WWOX: variants seen among roughly 807,000 people sequenced by gnomAD.
WWOX encodes WW domain-containing oxidoreductase.
WWOX carries 69 observed loss-of-function variants against 46.2 expected under a neutral mutation model. The ratio of observed to expected loss-of-function variants is 1.49; its 90% CI spans 1.23 to 1.82. WWOX has a LOEUF of 1.82. Among genes scored for constraint, WWOX ranks in the 40% most tolerant of loss-of-function variants. The pLI is 0.00. For missense variants in WWOX, 919 were observed against 542.6 expected (o/e 1.69, Z -6.89); for synonymous variants, 359 against 202.6 (o/e 1.77, Z -6.56).
chr16:79,146,732 A>T (rs1050481954), intron 8 of WWOX, among the ~76,000 whole-genome samples: 1 of 152,152 alleles, frequency 6.6e-6, no homozygotes, highest in Non-Finnish European at 1.5e-5. Flanking sequence ...GTGGTCAGAA[A>T]GGTGTGGTCC....
chr16:78,891,588 C>G (rs1055594994), intron 8 of WWOX: 1 of 152,176 alleles, frequency 6.6e-6, no homozygotes, highest in Non-Finnish European at 1.5e-5. Context: ...ATAATTGATG[C>G]AAAGAATTAA....
intron 6 of WWOX, among the ~76,000 whole-genome samples, chr16:78,393,474 C>T (rs562323434): frequency 1.1e-4 from 16 of 152,230 alleles, no homozygotes; most frequent in African/African-American, 2.4e-4. Flanking sequence ...GCCTGGGCAA[C>T]GTAGTGAGAC....
intron 8 of WWOX, chr16:79,202,670 A>C (rs400497): frequency 0.56 from 84,933 of 152,010 alleles, 24,441 homozygotes; most frequent in Non-Finnish European, 0.63. Flanking sequence ...AGTTTGAGAG[A>C]GTTTTTTCCC....
At chr16:78,684,273 G>C (rs1006377385) in intron 8 of WWOX, among the ~76,000 whole-genome samples, 3 of 152,152 alleles carry the variant, frequency 2.0e-5, no homozygotes, top group Admixed American at 1.3e-4. Context: ...GATTGGACCT[G>C]CGGTCTGTCC....
At chr16:78,403,217 G>T (rs79523843) in intron 6 of WWOX, among the ~76,000 whole-genome samples, 1,697 of 152,236 alleles carry the variant, frequency 0.011, 30 homozygotes, top group East Asian at 0.085. Flanking sequence ...CTTATTGTTT[G>T]TAAGTTGTAA....
intron 8 of WWOX, among the ~76,000 whole-genome samples, chr16:78,649,515 G>C (rs1110520): frequency 0.07 from 10,663 of 152,026 alleles, 1,241 homozygotes; most frequent in African/African-American, 0.24. Flanking sequence ...GGCCTCAAGC[G>C]ATCCTCCTGC....
At chr16:79,141,868 T>A (rs192386727) in intron 8 of WWOX, among the ~76,000 whole-genome samples, 14 of 152,114 alleles carry the variant, frequency 9.2e-5, no homozygotes, top group Admixed American at 8.5e-4. Flanking sequence ...TTCTTGGCGT[T>A]GTGATTAGCC....
Position 79,211,670 on chromosome 16 carries a change from G to C in WWOX, c.1119G>C (p.Gly373=). ...TCCCAGAACTGGAGGGTCTGGGAGG[G>C]ATGTACTTCAACAACTGCTGCCGCT... ...AAVPELEGLG[G]MYFNNCCRCM... The change falls in exon 9 of 9, where the codon GGG becomes GGC. Residue 373 remains glycine, a synonymous_variant. Transcript: ENST00000566780. 1 of 1,614,198 alleles carries C rather than the reference G, an allele frequency of 6.2e-7. No individual in the cohort carries two copies. Among genetic ancestry groups the C allele is most frequent in the Non-Finnish European group, 8.5e-7 (1 of 1,180,042 alleles).
intron 8 of WWOX, among the ~76,000 whole-genome samples, chr16:78,833,134 T>G (rs191039833): frequency 1.2e-3 from 180 of 151,698 alleles, no homozygotes; most frequent in African/African-American, 4.0e-3. Context: ...CTCCAACTCC[T>G]AGGCTCAAGC....
chr16:78,583,702 C>T (rs1443737807), intron 8 of WWOX, among the ~76,000 whole-genome samples: 1 of 152,164 alleles, frequency 6.6e-6, no homozygotes, highest in Non-Finnish European at 1.5e-5. Flanking sequence ...GGCCCAGGAA[C>T]CCGTGCCCTG....
intron 5 of WWOX, among the ~76,000 whole-genome samples, chr16:78,249,298 C>A (rs1393393995): frequency 6.6e-6 from 1 of 152,196 alleles, no homozygotes; most frequent in Non-Finnish European, 1.5e-5. Flanking sequence ...GCTGCACTGC[C>A]TCACGAGGTC....
At chr16:78,797,785 C>T (rs776288878) in intron 8 of WWOX, among the ~76,000 whole-genome samples, 1 of 152,078 alleles carries the variant, frequency 6.6e-6, no homozygotes, top group South Asian at 2.1e-4. Flanking sequence ...GCTAGGAGCT[C>T]GAGAACAGTC....
At chr16:78,330,810 C>G (rs946202082) in intron 5 of WWOX, among the ~76,000 whole-genome samples, 1 of 152,216 alleles carries the variant, frequency 6.6e-6, no homozygotes, top group African/African-American at 2.4e-5. Context: ...TAATTTACGA[C>G]TTCATTTGTA....
chr16:78,929,405 C>G (rs1387523165), intron 8 of WWOX, among the ~76,000 whole-genome samples: 1 of 151,848 alleles, frequency 6.6e-6, no homozygotes, highest in Non-Finnish European at 1.5e-5. Context: ...TTTATAAAGA[C>G]ATTACTAAAG....
At chr16:78,130,527 A>G (rs946994284) in intron 4 of WWOX, among the ~76,000 whole-genome samples, 20 of 152,208 alleles carry the variant, frequency 1.3e-4, no homozygotes, top group African/African-American at 1.9e-4. Context: ...GCTTATGTCT[A>G]TCAAGGAACA....
At chr16:78,540,889 C>T (rs1280313599) in intron 8 of WWOX, among the ~76,000 whole-genome samples, 1 of 152,080 alleles carries the variant, frequency 6.6e-6, no homozygotes, top group Non-Finnish European at 1.5e-5. Context: ...CCTCACTTTG[C>T]TGCCTAGGCT....
At chr16:78,640,734 T>G (rs992996526) in intron 8 of WWOX, among the ~76,000 whole-genome samples, 31 of 151,030 alleles carry the variant, frequency 2.1e-4, no homozygotes, top group African/African-American at 6.8e-4. Context: ...AGCTCAGGAG[T>G]TGAATACCAG....
At chr16:79,154,631 T>A (rs1483207455) in intron 8 of WWOX, among the ~76,000 whole-genome samples, 2 of 152,024 alleles carry the variant, frequency 1.3e-5, no homozygotes, top group African/African-American at 4.8e-5. Flanking sequence ...TTGCAACATT[T>A]AAAAAAAATA....
At chr16:79,193,848 G>C (rs2051186420) in intron 8 of WWOX, among the ~76,000 whole-genome samples, 1 of 152,158 alleles carries the variant, frequency 6.6e-6, no homozygotes, top group Non-Finnish European at 1.5e-5. Flanking sequence ...AACGAGTTCA[G>C]GGACAAGAGA....
Sources: allele counts gnomAD v4.1 joint callset (sites outside exome capture counted in the v4.1 genomes callset), GRCh38; gene constraint gnomAD v4.1.1; transcripts MANE v1.5; gene names NCBI Gene and HGNC (gene_info 2026-07-23, HGNC 2026-07-21).